DNAAF5: variants seen among roughly 807,000 people sequenced by gnomAD.
DNAAF5 encodes the protein dynein axonemal assembly factor 5.
Under a neutral mutation model 75.8 loss-of-function variants are expected in DNAAF5, and 64 were observed. The ratio of observed to expected loss-of-function variants is 0.84; its 90% CI spans 0.69 to 1.04. The LOEUF is 1.04. Among genes scored for constraint, DNAAF5 ranks in the 50% least tolerant of loss-of-function variants. DNAAF5 has a pLI of 0.00. For missense variants in DNAAF5, 1,269 were observed against 1,178.5 expected (o/e 1.08, Z -1.12); for synonymous variants, 657 against 557.2 (o/e 1.18, Z -2.52).
At chr7:729,611 G>A in intron 1 of DNAAF5, 52 bp from the exon 2 acceptor site, 5 of 1,561,438 alleles carry the variant, frequency 3.2e-6, no homozygotes, top group Non-Finnish European at 4.4e-6. Flanking sequence ...CACAGAGCTG[G>A]GCGAGGCGTG....
intron 11 of DNAAF5, among the ~76,000 whole-genome samples, chr7:779,108 G>T (rs555364086): frequency 6.6e-6 from 1 of 152,378 alleles, no homozygotes; most frequent in South Asian, 2.1e-4. Context: ...CCTGAACTTT[G>T]GATGTTTTTC....
In DNAAF5 at chr7:785,762, G is replaced by A. The variant is rs1779126631; in HGVS notation, c.*109G>A. 1 of 1,311,126 alleles carries A rather than the reference G, an allele frequency of 7.6e-7. No individual in the cohort carries two copies. Among genetic ancestry groups the A allele is most frequent in the Non-Finnish European group, 1.0e-6 (1 of 959,998 alleles). The allele number at this position is 1,311,126 out of a possible 1,614,324, so 81.2% of individuals were successfully genotyped here. ...CTGTGCCAGCAGTGAGACTGTGACA[G>A]CAAGAATGTACTCCTCAGGACACCT... On this transcript the variant is annotated 3_prime_UTR_variant, in exon 13 of 13. Transcript: ENST00000297440.
intron 11 of DNAAF5, 130 bp from the exon 12 acceptor site, chr7:779,823 C>G: frequency 1.3e-6 from 1 of 749,382 alleles, no homozygotes; most frequent in African/African-American, 1.8e-5. Flanking sequence ...CGGAGTCTCC[C>G]GTGAGGTGTG....
At chr7:738,438 G>A (rs1781800917) in intron 2 of DNAAF5, among the ~76,000 whole-genome samples, 1 of 152,072 alleles carries the variant, frequency 6.6e-6, no homozygotes, top group Admixed American at 6.6e-5. Context: ...TAGTTCACTT[G>A]GTGAGGTCAT....
chr7:776,937 G>A (rs575154156), intron 11 of DNAAF5, among the ~76,000 whole-genome samples: 1 of 152,302 alleles, frequency 6.6e-6, no homozygotes, highest in South Asian at 2.1e-4. Flanking sequence ...TGTCAGATCG[G>A]CAACGGCATT....
chr7:741,573 C>T (rs1781913560), intron 4 of DNAAF5, 108 bp downstream of exon 4: 2 of 695,784 alleles, frequency 2.9e-6, no homozygotes, highest in Non-Finnish European at 4.9e-6. Context: ...TGAGCCCAGG[C>T]GGCCGCGTCG....
At chr7:757,792 G>A (rs1439112971) in intron 6 of DNAAF5, among the ~76,000 whole-genome samples, 4 of 152,216 alleles carry the variant, frequency 2.6e-5, no homozygotes, top group Admixed American at 6.5e-5. Flanking sequence ...CCAGGCGGCC[G>A]TGCCATGCAG....
chr7:773,847 C>T (rs1778658495), intron 9 of DNAAF5, among the ~76,000 whole-genome samples: 1 of 152,200 alleles, frequency 6.6e-6, no homozygotes. Context: ...GCACCCCTGT[C>T]TCCCCGGTAG....
chr7:768,701 C>G (rs11547675), intron 8 of DNAAF5: 23,703 of 162,880 alleles, frequency 0.15, 2,364 homozygotes, highest in Middle Eastern at 0.25. Flanking sequence ...GCTGGGAAGG[C>G]AGACACGTGG....
In DNAAF5 at chr7:754,966, C is replaced by A; in HGVS notation, c.1257+145C>A. The A allele has an allele frequency of 1.6e-6, 1 of 620,328 alleles. No homozygotes were observed. Among genetic ancestry groups the A allele is most frequent in the Non-Finnish European group, 2.8e-6 (1 of 356,412 alleles). The allele number at this position is 620,328 out of a possible 1,614,324, so 38.4% of individuals were successfully genotyped here. A position where few individuals can be genotyped will look rare whatever the true frequency, so the allele number is the denominator to read the frequency against. ...GGCCGCAGGCCCTCCCCACACCCAG[C>A]CCCTGGGAACAACTGATCTCCTTTC... is the stretch of plus-strand genomic sequence containing the variant. On this transcript the variant is annotated intron_variant, in intron 5 of 12. Coordinates refer to ENST00000297440, the MANE Select transcript of DNAAF5 (RefSeq NM_017802.4). This position sits in a 1 kb window ranked among gnomAD's most constrained non-coding sequence, Gnocchi z 4.8.
At chr7:727,448 C>A in intron 1 of DNAAF5, 133 bp downstream of exon 1, 1 of 365,810 alleles carries the variant, frequency 2.7e-6, no homozygotes, top group East Asian at 4.7e-5. Flanking sequence ...ACATCCCGGA[C>A]CCCCCATGCG....
intron 4 of DNAAF5, among the ~76,000 whole-genome samples, chr7:744,208 C>G (rs141457713): frequency 2.6e-5 from 4 of 151,956 alleles, no homozygotes; most frequent in Admixed American, 6.6e-5. Context: ...TTTGTTCTTG[C>G]GATAGTTTAC....
At chr7:752,970 G>A (rs754566258) in intron 4 of DNAAF5, among the ~76,000 whole-genome samples, 3 of 152,230 alleles carry the variant, frequency 2.0e-5, no homozygotes, top group South Asian at 2.1e-4. Flanking sequence ...GCTCGGCGTC[G>A]TTAGTCATCG....
At chr7:769,005 C>G in intron 8 of DNAAF5, 1 of 609,716 alleles carries the variant, frequency 1.6e-6, no homozygotes, top group East Asian at 2.8e-5. Flanking sequence ...CGCCTCCTGC[C>G]CGGCTGCGTG....
intron 4 of DNAAF5, among the ~76,000 whole-genome samples, chr7:749,781 C>T (rs1330556948): frequency 3.3e-5 from 5 of 152,150 alleles, no homozygotes; most frequent in African/African-American, 4.8e-5. Context: ...CTGCAACCTC[C>T]GCCTCCCAGA....
intron 12 of DNAAF5, among the ~76,000 whole-genome samples, chr7:783,228 C>T (rs1332875253): frequency 6.6e-6 from 1 of 152,258 alleles, no homozygotes; most frequent in Non-Finnish European, 1.5e-5. Flanking sequence ...CTGGGAAAAG[C>T]AGCTCTGCTG....
chr7:763,705 G>A lies in DNAAF5; in HGVS notation c.1615-101G>A, dbSNP rs4495324. 602,742 of 1,330,358 alleles carry A rather than the reference G, an allele frequency of 0.45. 138,406 individuals are homozygous for A. The highest frequency in any genetic ancestry group is 0.47 in the Middle Eastern group (2,482 of 5,242). 82.4% of individuals were successfully genotyped at this position (1,330,358 alleles called of 1,614,324 possible). A position where few individuals can be genotyped will look rare whatever the true frequency, so the allele number is the denominator to read the frequency against. ...CCGATTATCCTGGCAGGCCCGGCCT[G>A]TGTGGTTCTTACGCGTGAGGGGGAT... On this transcript the variant is annotated intron_variant, in intron 7 of 12. Coordinates refer to ENST00000297440, the MANE Select transcript of DNAAF5 (RefSeq NM_017802.4).
chr7:737,245 A>T (rs1474202421), intron 2 of DNAAF5, among the ~76,000 whole-genome samples: 1 of 151,904 alleles, frequency 6.6e-6, no homozygotes, highest in Admixed American at 6.6e-5. Context: ...ACAGGCACCC[A>T]CCACCACACC....
At chr7:781,998 C>T (rs1240823265) in intron 12 of DNAAF5, among the ~76,000 whole-genome samples, 1 of 152,246 alleles carries the variant, frequency 6.6e-6, no homozygotes, top group African/African-American at 2.4e-5. Context: ...AAGCTTTGGG[C>T]CTGGATGTGC....
Sources: gnomAD v4.1 joint callset for allele counts (sites outside exome capture counted in the v4.1 genomes callset) on GRCh38, gnomAD v4.1.1 for gene constraint, Gnocchi (gnomAD v3.1) non-coding constraint, MANE v1.5 for transcripts, NCBI Gene and HGNC (gene_info 2026-07-23, HGNC 2026-07-21) for gene names.